Variants in GEN1 observed in about 807,000 individuals in gnomAD.
The protein encoded by GEN1 is flap endonuclease GEN homolog 1.
Under a neutral mutation model 67.6 loss-of-function variants are expected in GEN1, and 64 were observed. The ratio of observed to expected loss-of-function variants is 0.95; its 90% CI spans 0.77 to 1.17. The LOEUF (loss-of-function observed/expected upper bound fraction) is 1.17, where lower values mean the gene tolerates loss of function less well. Among genes scored for constraint, GEN1 ranks in the 50% most tolerant of loss-of-function variants. GEN1 has a pLI of 0.00. For missense variants in GEN1, 1,058 were observed against 1,048.3 expected (o/e 1.01, Z -0.13); for synonymous variants, 371 against 359.4 (o/e 1.03, Z -0.37).
intron 7 of GEN1, among the ~76,000 whole-genome samples, chr2:17,771,815 C>T (rs191220130): frequency 4.5e-4 from 68 of 150,086 alleles, no homozygotes; most frequent in Admixed American, 2.6e-3. Flanking sequence ...CTACGGAACA[C>T]GTACTGGATC....
rs538197707 is a variant in GEN1 at position 17,783,934 on chromosome 2, T to C, written c.*1995T>C. 2.6e-5 allele frequency: 4 copies of C among 152,320 alleles called. No individual in the cohort carries two copies. The highest frequency in any genetic ancestry group is 6.5e-5 in the Admixed American group (1 of 15,302). The allele number at this position is 152,320 out of a possible 1,614,324, so 9.4% of individuals were successfully genotyped here. A position where few individuals can be genotyped will look rare whatever the true frequency, so the allele number is the denominator to read the frequency against. ...AGACGTAAATCTTTGTGACTTTGGA[T>C]TAGGCAAGGATTTCTTAAATATACC... On this transcript the variant is annotated 3_prime_UTR_variant, in exon 14 of 14. Transcript: ENST00000381254.
At chr2:17,779,424 G>C (rs1379958159) in intron 12 of GEN1, among the ~76,000 whole-genome samples, 3 of 152,170 alleles carry the variant, frequency 2.0e-5, no homozygotes, top group Non-Finnish European at 4.4e-5. Flanking sequence ...GAAATAAGAG[G>C]ATTTAAAGTT....
chr2:17,760,292 G>T (rs1222445510), intron 2 of GEN1, among the ~76,000 whole-genome samples, 188 bp downstream of exon 2: 1 of 151,964 alleles, frequency 6.6e-6, no homozygotes. Context: ...CTTACCCTTT[G>T]AGCTCCAGAC....
rs1175045669 is a variant in GEN1, at chr2:17,781,484, G to A, written c.2272G>A (p.Val758Ile). 2.5e-6 allele frequency: 4 copies of A among 1,613,394 alleles called. No homozygotes were observed. The highest frequency in any genetic ancestry group is 3.4e-6 in the Non-Finnish European group (4 of 1,179,932). Residue 758 changes from valine (V) to isoleucine (I), a missense_variant, in exon 14 of 14, where the codon GTC becomes ATC. Transcript: ENST00000381254. ...AGTCAATACTTCTGTCCCTTATTCT[G>A]TCAGTAACACAGTGGTAAAGACCTG... ...YKVNTSVPYS[V>I]SNTVVKTCNV... is the part of the protein sequence containing the mutation.
At position 17,775,977 on chromosome 2, in the gene GEN1, G is replaced by A. The variant is rs557641019; in HGVS notation, c.1202+1576G>A. Among the ~76,000 whole-genome samples, 25 of 152,084 alleles carry A rather than the reference G, an allele frequency of 1.6e-4. No individual in the cohort carries two copies. The East Asian group carries it at 3.5e-3, about 21-fold the overall frequency. On this transcript the variant is annotated intron_variant, in intron 11 of 13. Transcript: ENST00000381254. ...CAAAAATACAAAAAATTAGCCAGGC[G>A]TGGTGGAGAGCACCTGTGATCCCAG... is the stretch of plus-strand genomic sequence containing the variant.
In GEN1 at chr2:17,764,942, G is replaced by A; in HGVS notation, c.394G>A (p.Ala132Thr). ...ECLGIPWVQA[A>T]GEAEAMCAYL... The stretch of plus-strand genomic sequence containing the variant: ...CTTAGGAATCCCCTGGGTTCAGGCT[G>A]CTGGGGAAGCTGAAGCCATGTGTGC... Residue 132 changes from alanine to threonine, a missense_variant, in exon 4 of 14, where the codon GCT becomes ACT. By Grantham distance (58) the Ala-to-Thr change is moderately conservative. Coordinates refer to ENST00000381254, the MANE Select transcript of GEN1 (RefSeq NM_001130009.3). 6.2e-7 allele frequency: 1 copy of A among 1,614,150 alleles called. No homozygotes were observed. The highest frequency in any genetic ancestry group is 1.1e-5 in the South Asian group (1 of 91,084).
rs1673093633 is a variant in GEN1, at chr2:17,787,403, C to T, written c.*5464C>T. On this transcript the variant is annotated 3_prime_UTR_variant, in exon 14 of 14. Transcript: ENST00000381254. ...GCCTACACAGGGTTTGACTCTTCTG[C>T]CTCACCAACTCTTACCCATCGAGAT... 1 of 152,166 alleles carries T rather than the reference C, an allele frequency of 6.6e-6. No individual in the cohort carries two copies. The highest frequency in any genetic ancestry group is 1.5e-5 in the Non-Finnish European group (1 of 68,044). 9.4% of individuals were successfully genotyped at this position (152,166 alleles called of 1,614,324 possible). A position where few individuals can be genotyped will look rare whatever the true frequency, so the allele number is the denominator to read the frequency against.
At chr2:17,763,535 T>C (rs1292888621) in intron 3 of GEN1, among the ~76,000 whole-genome samples, 1 of 152,190 alleles carries the variant, frequency 6.6e-6, no homozygotes, top group African/African-American at 2.4e-5. Context: ...TTCCTCCTAA[T>C]CCACTGCTAT....
chr2:17,761,683 C>A, intron 3 of GEN1, 101 bp downstream of exon 3: 1 of 777,776 alleles, frequency 1.3e-6, no homozygotes, highest in Non-Finnish European at 2.0e-6. Flanking sequence ...TTTATTGTGA[C>A]TAGCAGGGAT....
intron 1 of GEN1, among the ~76,000 whole-genome samples, chr2:17,759,135 A>C (rs1219710040): frequency 6.6e-6 from 1 of 152,196 alleles, no homozygotes; most frequent in East Asian, 1.9e-4. Context: ...GAAGGTCATT[A>C]TTTAGAGGAT....
At chr2:17,766,725 A>G (rs1671953228) in intron 5 of GEN1, 36 bp downstream of exon 5, 2 of 1,195,006 alleles carry the variant, frequency 1.7e-6, no homozygotes, top group East Asian at 2.3e-5. Context: ...TGCTATTCAT[A>G]AAGTCTTTTT....
At chr2:17,753,612 C>G (rs1339901074), upstream of GEN1, 1 of 152,254 alleles carries the variant, frequency 6.6e-6, no homozygotes, top group East Asian at 1.9e-4. Flanking sequence ...CGACAGCGCG[C>G]GCCTTCACCC....
In GEN1 at chr2:17,781,882, T is replaced by C; in HGVS notation, c.2670T>C (p.Cys890=). ...CHKKENNSGT[C]LDSPLPLRQR... ...AGAAAGAAAACAACTCTGGTACTTG[T>C]TTGGATAGCCCTCTTCCTTTACGCC... The change falls in exon 14 of 14, where the codon TGT becomes TGC. Residue 890 remains cysteine (C), a synonymous_variant. Coordinates refer to ENST00000381254, the MANE Select transcript of GEN1 (RefSeq NM_001130009.3). 2.5e-6 allele frequency: 4 copies of C among 1,594,104 alleles called. No individual in the cohort carries two copies. The highest frequency in any genetic ancestry group is 3.4e-6 in the Non-Finnish European group (4 of 1,174,596).
At chr2:17,763,349 G>A (rs188946373) in intron 3 of GEN1, among the ~76,000 whole-genome samples, 1 of 152,204 alleles carries the variant, frequency 6.6e-6, no homozygotes, top group Admixed American at 6.5e-5. Flanking sequence ...ATCTTAGAGT[G>A]TTAAAGAACC....
intron 1 of GEN1, chr2:17,755,574 A>C (rs1671392414): frequency 6.6e-6 from 1 of 152,234 alleles, no homozygotes; most frequent in Admixed American, 6.5e-5. Flanking sequence ...AAATCCCTTA[A>C]AATATAATCT....
At chr2:17,766,352 T>C (rs972748488) in intron 4 of GEN1, among the ~76,000 whole-genome samples, 1 of 152,082 alleles carries the variant, frequency 6.6e-6, no homozygotes. Context: ...GTATTTTTAG[T>C]AGAGATGGGG....
At chr2:17,757,246 CT>C (rs74754657) in intron 1 of GEN1, among the ~76,000 whole-genome samples, 19,781 of 127,608 alleles carry the variant, frequency 0.16, 1,550 homozygotes, top group African/African-American at 0.27. Context: ...CAGTGCTGGA[CT>C]TTTTTTTTTT....
chr2:17,774,124 T>G, intron 10 of GEN1, 147 bp from the exon 11 acceptor site: 1 of 378,216 alleles, frequency 2.6e-6, no homozygotes, highest in Non-Finnish European at 4.7e-6. Flanking sequence ...TGATTCTTCC[T>G]TAGGAGGCTC....
At chr2:17,754,812 A>G (rs1671331577) in intron 1 of GEN1, 1 of 152,258 alleles carries the variant, frequency 6.6e-6, no homozygotes, top group South Asian at 2.1e-4. Context: ...CCCCACGGTA[A>G]CCTAGAGTGT....
Sources: gnomAD v4.1 joint callset for allele counts (sites outside exome capture counted in the v4.1 genomes callset) on GRCh38, gnomAD v4.1.1 for gene constraint, MANE v1.5 for transcripts, NCBI Gene and HGNC (gene_info 2026-07-23, HGNC 2026-07-21) for gene names.